Variants in WDTC1 observed in about 807,000 individuals in gnomAD.
The protein encoded by WDTC1 is WD and tetratricopeptide repeats 1.
Under a neutral mutation model 76.0 loss-of-function variants are expected in WDTC1, and 12 were observed. The observed-to-expected ratio is 0.16, with a 90% CI of 0.10 to 0.26. The LOEUF (loss-of-function observed/expected upper bound fraction) is 0.26, where lower values mean the gene tolerates loss of function less well. Among genes scored for constraint, WDTC1 ranks in the 10% least tolerant of loss-of-function variants. WDTC1 has a pLI of 1.00. For synonymous variants in WDTC1, 326 were observed against 350.8 expected (o/e 0.93, Z 0.79); for missense variants, 511 against 908.8 (o/e 0.56, Z 5.63).
chr1:27,298,030 T>G lies in WDTC1; in HGVS notation c.1151T>G (p.Leu384Arg). 1 of 1,614,130 alleles carries G rather than the reference T, an allele frequency of 6.2e-7. No individual in the cohort carries two copies. Among genetic ancestry groups the G allele is most frequent in the Non-Finnish European group, 8.5e-7 (1 of 1,179,982 alleles). Residue 384 changes from leucine to arginine, a missense_variant, in exon 12 of 16, where the codon CTT becomes CGT. Coordinates refer to ENST00000319394, the MANE Select transcript of WDTC1 (RefSeq NM_001276252.2). ...ACQQWTQAIQLYSKAVQRAPH... is the reference protein window; with the variant it reads ...ACQQWTQAIQRYSKAVQRAPH... ...CAGCAGTGGACCCAAGCCATTCAGC[T>G]TTACAGCAAGGCTGTGCAGAGGGCC...
chr1:27,265,628 GT>G (rs917534344), intron 3 of WDTC1, among the ~76,000 whole-genome samples: 7 of 151,866 alleles, frequency 4.6e-5, no homozygotes, highest in African/African-American at 1.7e-4. Context: ...TCCAGCCTGG[GT>G]GACAGAGTGA....
intron 3 of WDTC1, among the ~76,000 whole-genome samples, chr1:27,267,132 A>C (rs1488236136): frequency 6.6e-6 from 1 of 152,174 alleles, no homozygotes; most frequent in African/African-American, 2.4e-5. Flanking sequence ...TTTTATGTCC[A>C]TTTAAAATTC....
chr1:27,272,167 A>G (rs138652539), intron 3 of WDTC1, among the ~76,000 whole-genome samples: 19,146 of 151,336 alleles, frequency 0.13, 1,322 homozygotes, highest in South Asian at 0.18. Flanking sequence ...AATCGCTTGA[A>G]CCCGGCAGGC....
rs769431789 is a variant in WDTC1 at position 27,306,153 on chromosome 1, G to T, written c.1837-33G>T. The stretch of plus-strand genomic sequence containing the variant: ...TACCCTGGTGCCTCTCCCTCCCTGA[G>T]CCCCACGTGTGTCACCCCTTTCTCC... On this transcript the variant is annotated intron_variant, in intron 15 of 15. Coordinates refer to ENST00000319394, the MANE Select transcript of WDTC1 (RefSeq NM_001276252.2). This position sits in a 1 kb window ranked among gnomAD's most constrained non-coding sequence, Gnocchi z 5.0. 20 of 1,612,874 alleles carry T rather than the reference G, an allele frequency of 1.2e-5. No homozygotes were observed. In the South Asian group the frequency reaches 2.2e-4, roughly 18 times the overall value.
chr1:27,261,591 G>T (rs1410402677), intron 2 of WDTC1, among the ~76,000 whole-genome samples: 8 of 152,196 alleles, frequency 5.3e-5, no homozygotes, highest in Admixed American at 5.2e-4. Flanking sequence ...ATAAATGGAT[G>T]ACTGGGCAGT....
At chr1:27,293,922 T>C in intron 7 of WDTC1, 100 bp from the exon 8 acceptor site, 1 of 1,125,826 alleles carries the variant, frequency 8.9e-7, no homozygotes, top group East Asian at 2.4e-5. Flanking sequence ...ACCTCCTGTA[T>C]GTCTCAGATA....
chr1:27,269,356 A>G (rs895106237), intron 3 of WDTC1, among the ~76,000 whole-genome samples: 1 of 150,414 alleles, frequency 6.6e-6, no homozygotes, highest in Non-Finnish European at 1.5e-5. Flanking sequence ...AAAAAAAAGT[A>G]CAAAACAGTA....
chr1:27,246,504 A>G, intron 1 of WDTC1, among the ~76,000 whole-genome samples: 1 of 151,920 alleles, frequency 6.6e-6, no homozygotes, highest in East Asian at 1.9e-4. Flanking sequence ...AATTTGGGCT[A>G]TTATGAATAA....
At position 27,263,180 on chromosome 1, in the gene WDTC1, G is replaced by A. The variant is rs374744045; in HGVS notation, c.77G>A (p.Arg26His). The change falls in exon 3 of 16, where the codon CGC (arginine) becomes CAC (histidine). Residue 26 changes from arginine (R) to histidine (H), a missense_variant. Coordinates refer to ENST00000319394, the MANE Select transcript of WDTC1 (RefSeq NM_001276252.2). Reference sequence around the variant, plus strand: ...CGGGGTGCCCTGAGCTTTGAGCGGCGCTACCATGTCACTGACCCCTTTATC... The same window carrying A: ...CGGGGTGCCCTGAGCTTTGAGCGGCACTACCATGTCACTGACCCCTTTATC... ...KERGALSFERRYHVTDPFIRR... is the reference protein window; with the variant it reads ...KERGALSFERHYHVTDPFIRR... 43 of 1,613,448 alleles carry A rather than the reference G, an allele frequency of 2.7e-5. No individual in the cohort carries two copies. Among genetic ancestry groups the A allele is most frequent in the East Asian group, 6.7e-5 (3 of 44,824 alleles).
At chr1:27,247,337 G>A (rs757167020) in intron 1 of WDTC1, among the ~76,000 whole-genome samples, 2 of 152,152 alleles carry the variant, frequency 1.3e-5, no homozygotes, top group Non-Finnish European at 2.9e-5. Context: ...GATTAGAGAT[G>A]TGAGCCACTG....
At chr1:27,281,055 C>T (rs879385325) in intron 3 of WDTC1, among the ~76,000 whole-genome samples, 5 of 151,900 alleles carry the variant, frequency 3.3e-5, no homozygotes, top group Admixed American at 6.6e-5. Flanking sequence ...TACCTTACTG[C>T]ACCAGGCTCT....
In WDTC1 at chr1:27,297,941, C is replaced by A. The variant is rs2013736510; in HGVS notation, c.1062C>A (p.Pro354=). The change falls in exon 12 of 16, where the codon CCC becomes CCA. Residue 354 remains proline (P), a synonymous_variant. Coordinates refer to ENST00000319394, the MANE Select transcript of WDTC1 (RefSeq NM_001276252.2). ...CTTGGCTCTATTTCCCCTGCAGCCC[C>A]CAAGTAGAGCTACCACCATACCTGG... ...RLPESRGHVS[P]QVELPPYLER... The A allele has an allele frequency of 6.2e-7, 1 of 1,609,272 alleles. No homozygotes were observed. The highest frequency in any genetic ancestry group is 8.5e-7 in the Non-Finnish European group (1 of 1,176,852).
intron 1 of WDTC1, among the ~76,000 whole-genome samples, chr1:27,245,115 G>A (rs1267455697): frequency 6.6e-6 from 1 of 151,670 alleles, no homozygotes; most frequent in African/African-American, 2.4e-5. Context: ...TTCTTCCTCA[G>A]TACCATGTAG....
intron 3 of WDTC1, among the ~76,000 whole-genome samples, chr1:27,276,427 G>T (rs1218710146): frequency 6.6e-6 from 1 of 152,088 alleles, no homozygotes; most frequent in Non-Finnish European, 1.5e-5. Flanking sequence ...CAGGCGCGGT[G>T]ACTTATGCCT....
At chr1:27,285,961 T>A (rs542807582) in intron 5 of WDTC1, among the ~76,000 whole-genome samples, 202 of 151,274 alleles carry the variant, frequency 1.3e-3, no homozygotes, top group Admixed American at 2.6e-3. Context: ...AGATGTCATC[T>A]GGAGTATTTT....
intron 1 of WDTC1, among the ~76,000 whole-genome samples, chr1:27,240,850 C>T (rs1557473644): frequency 6.6e-6 from 1 of 151,684 alleles, no homozygotes; most frequent in Non-Finnish European, 1.5e-5. Context: ...TGGCGGGTGT[C>T]TGTAGTCCCA....
At position 27,274,590 on chromosome 1, in the gene WDTC1, A is replaced by G. The variant is rs1160689270; in HGVS notation, c.133-7649A>G. On this transcript the variant is annotated intron_variant, in intron 3 of 15. Transcript: ENST00000319394. The surrounding 1 kb of genome is among the most constrained non-coding windows in gnomAD (Gnocchi z 4.2). ...AATGAGGATTAATTTAAGCCGTTCT[A>G]GTATATAAGACCCAATCAGTTTTCC... 6.6e-6 allele frequency among the ~76,000 whole-genome samples: 1 copy of G among 152,234 alleles called. No individual in the cohort carries two copies. The highest frequency in any genetic ancestry group is 2.4e-5 in the African/African-American group (1 of 41,464).
At chr1:27,273,693 G>A (rs747765061) in intron 3 of WDTC1, among the ~76,000 whole-genome samples, 9 of 152,000 alleles carry the variant, frequency 5.9e-5, no homozygotes, top group African/African-American at 1.7e-4. Context: ...ATAAATATGC[G>A]CTGGTTAAAT....
chr1:27,263,220 G>C lies in WDTC1; in HGVS notation c.117G>C (p.Leu39=), dbSNP rs372258649. The C allele has an allele frequency of 1.1e-5, 17 of 1,613,196 alleles. No individual in the cohort carries two copies. In the African/African-American group the frequency reaches 1.9e-4, roughly 18 times the overall value. ...ACCCCTTTATCCGGCGGCTGGGCCT[G>C]GAAGCAGAGCTGCAGGTAAGAGATC... ...VTDPFIRRLG[L]EAELQGHSGC... is the part of the protein sequence containing the mutation. Residue 39 remains leucine (L), a synonymous_variant, in exon 3 of 16, where the codon CTG becomes CTC. Transcript: ENST00000319394.
Sources: allele counts gnomAD v4.1 joint callset (sites outside exome capture counted in the v4.1 genomes callset), GRCh38; gene constraint gnomAD v4.1.1; non-coding constraint Gnocchi (gnomAD v3.1); transcripts MANE v1.5; gene names NCBI Gene and HGNC (gene_info 2026-07-23, HGNC 2026-07-21).